The following PTPRM variants were observed in gnomAD, a reference collection of about 807,000 sequenced individuals.
PTPRM encodes receptor-type tyrosine-protein phosphatase mu.
PTPRM carries 47 observed loss-of-function variants against 186.7 expected under a neutral mutation model. The ratio of observed to expected loss-of-function variants is 0.25; its 90% confidence interval spans 0.20 to 0.32. PTPRM has a LOEUF of 0.32. PTPRM is among the 10% of genes least tolerant of loss of function. The pLI, the probability that PTPRM is intolerant of heterozygous loss-of-function variation, is 1.00. For missense variants in PTPRM, 1,494 were observed against 1,865.0 expected, an observed-to-expected ratio of 0.80 and a Z score of 3.66; for synonymous variants, 668 against 674.9, an observed-to-expected ratio of 0.99 and a Z score of 0.16.
intron 2 of PTPRM, among the ~76,000 whole-genome samples, chr18:7,784,661 A>G (rs141449454): frequency 9.2e-5 from 14 of 152,352 alleles, no homozygotes; most frequent in African/African-American, 2.9e-4. Context: ...CCCAGTCTGC[A>G]TGTGTGCCCA....
intron 2 of PTPRM, among the ~76,000 whole-genome samples, chr18:7,809,255 G>A (rs331425): frequency 0.68 from 103,138 of 151,910 alleles, 36,172 homozygotes; most frequent in East Asian, 0.95. Flanking sequence ...GGGCTTGGCC[G>A]AATTGCTCTG....
At chr18:7,780,175 G>T (rs996844240) in intron 2 of PTPRM, among the ~76,000 whole-genome samples, 3 of 152,150 alleles carry the variant, frequency 2.0e-5, no homozygotes, top group Non-Finnish European at 2.9e-5. Flanking sequence ...AAGTAATCTT[G>T]TACATATAAA....
At chr18:7,978,779 GT>G (rs2055130492) in intron 7 of PTPRM, among the ~76,000 whole-genome samples, 1 of 152,050 alleles carries the variant, frequency 6.6e-6, no homozygotes, top group African/African-American at 2.4e-5. Flanking sequence ...TAATATTAAG[GT>G]TAGGATATGA....
chr18:7,896,149 T>A (rs1353749838), intron 3 of PTPRM, among the ~76,000 whole-genome samples: 1 of 152,184 alleles, frequency 6.6e-6, no homozygotes, highest in Non-Finnish European at 1.5e-5. Context: ...TGGGAAGCAG[T>A]GGGGAAGGGC....
chr18:7,646,660 C>G (rs981631411), intron 1 of PTPRM, among the ~76,000 whole-genome samples: 1 of 152,154 alleles, frequency 6.6e-6, no homozygotes, highest in Non-Finnish European at 1.5e-5. Flanking sequence ...CTCTGCTCTC[C>G]TGTGCTGAAA....
chr18:7,985,097 T>TTA (rs955348248), intron 7 of PTPRM, among the ~76,000 whole-genome samples: 1 of 128,354 alleles, frequency 7.8e-6, no homozygotes, highest in East Asian at 2.2e-4. Flanking sequence ...ATACATATAA[T>TTA]TATATATACA....
intron 14 of PTPRM, among the ~76,000 whole-genome samples, chr18:8,153,236 G>A (rs576090938): frequency 1.3e-5 from 2 of 152,192 alleles, no homozygotes; most frequent in Admixed American, 6.5e-5. Context: ...CAAGTTCTCT[G>A]TGAGGAATAG....
intron 1 of PTPRM, among the ~76,000 whole-genome samples, chr18:7,620,704 C>G (rs2037916874): frequency 1.3e-5 from 2 of 152,132 alleles, no homozygotes; most frequent in Non-Finnish European, 2.9e-5. Flanking sequence ...GTACTGTGCT[C>G]AGATCATCAC....
At chr18:7,824,702 C>A (rs979641594) in intron 2 of PTPRM, among the ~76,000 whole-genome samples, 4 of 152,108 alleles carry the variant, frequency 2.6e-5, no homozygotes, top group African/African-American at 9.7e-5. Context: ...AATAATGGAA[C>A]AAAACACCAT....
intron 14 of PTPRM, among the ~76,000 whole-genome samples, chr18:8,166,336 T>G (rs953554540): frequency 2.0e-5 from 3 of 152,144 alleles, no homozygotes; most frequent in African/African-American, 7.2e-5. Flanking sequence ...TTTTCTGTAA[T>G]TGAAGTCACC....
intron 14 of PTPRM, among the ~76,000 whole-genome samples, chr18:8,228,261 C>G (rs1056837126): frequency 9.9e-5 from 15 of 151,988 alleles, no homozygotes; most frequent in Non-Finnish European, 2.9e-5. Flanking sequence ...CACTCCTGCT[C>G]CAGGCCCAGG....
At chr18:8,336,119 A>C (rs1433999316) in intron 22 of PTPRM, among the ~76,000 whole-genome samples, 12 of 152,180 alleles carry the variant, frequency 7.9e-5, no homozygotes. Context: ...CATAAGCCAA[A>C]ATGCTAAGTT....
At chr18:7,840,296 CT>C (rs545582262) in intron 2 of PTPRM, among the ~76,000 whole-genome samples, 149 of 152,174 alleles carry the variant, frequency 9.8e-4, no homozygotes, top group Non-Finnish European at 1.8e-3. Context: ...TCTCTGCCCC[CT>C]GTCTGAGTTT....
At chr18:7,905,894 T>TCC (rs2049954638) in intron 3 of PTPRM, among the ~76,000 whole-genome samples, 2 of 152,196 alleles carry the variant, frequency 1.3e-5, no homozygotes, top group African/African-American at 4.8e-5. Context: ...TCAGAAAAGG[T>TCC]TTAGATCACC....
intron 20 of PTPRM, among the ~76,000 whole-genome samples, chr18:8,302,231 G>A (rs1207368165): frequency 6.6e-6 from 1 of 152,192 alleles, no homozygotes; most frequent in African/African-American, 2.4e-5. Context: ...CCCTGAGGAT[G>A]GGACATGGAA....
At position 8,020,459 on chromosome 18, in the gene PTPRM, A is replaced by T. The variant is rs1006446018; in HGVS notation, c.1133-49227A>T. Among the ~76,000 whole-genome samples the T allele has an allele frequency of 2.0e-4, 31 of 152,330 alleles. No homozygotes were observed. The East Asian group carries it at 4.1e-3, about 20-fold the overall frequency. On this transcript the variant is annotated intron_variant, in intron 7 of 32. Coordinates refer to ENST00000580170, the MANE Select transcript of PTPRM (RefSeq NM_001105244.2). ...GTTTAAAATTTGAGAGGGGAAAAAA[A>T]GTCTAAGACTTCTGTAATGCTCCAA...
chr18:8,123,801 A>C (rs2092256332), intron 13 of PTPRM, among the ~76,000 whole-genome samples: 4 of 152,148 alleles, frequency 2.6e-5, no homozygotes, highest in Non-Finnish European at 1.5e-5. Context: ...TCCTTCAGCA[A>C]CTCTGACCAC....
chr18:8,383,387 T>C (rs1187165422), intron 29 of PTPRM, among the ~76,000 whole-genome samples: 1 of 145,264 alleles, frequency 6.9e-6, no homozygotes, highest in East Asian at 2.1e-4. Flanking sequence ...GGAAGAGTAA[T>C]TTCAAACTTT....
rs2053238295 is a variant in PTPRM at position 7,955,323 on chromosome 18, A to G, written c.1041A>G (p.Thr347=). 1.2e-6 allele frequency: 2 copies of G among 1,614,076 alleles called. No individual in the cohort carries two copies. Among genetic ancestry groups the G allele is most frequent in the Admixed American group, 1.7e-5 (1 of 60,006 alleles). The change falls in exon 7 of 33, where the codon ACA becomes ACG. Residue 347 remains threonine, a synonymous_variant. Coordinates refer to ENST00000580170, the MANE Select transcript of PTPRM (RefSeq NM_001105244.2). ...SYKIGHLDPD[T]EYEISVLLTR... ...AAATTGGACACCTTGACCCAGATAC[A>G]GAATATGAGATTAGTGTGCTCCTGA... is the stretch of plus-strand genomic sequence containing the variant.
Sources: allele counts gnomAD v4.1 joint callset (sites outside exome capture counted in the v4.1 genomes callset), GRCh38; gene constraint gnomAD v4.1.1; transcripts MANE v1.5; gene names NCBI Gene and HGNC (gene_info 2026-07-23, HGNC 2026-07-21).